The following UBE4A variants were observed in gnomAD, a reference collection of about 807,000 sequenced individuals.
The protein encoded by UBE4A is ubiquitination factor E4A.
A neutral mutation model predicts 117.9 loss-of-function variants in UBE4A; 48 were observed. The observed-to-expected ratio is 0.41, with a 90% CI of 0.32 to 0.52. UBE4A has a LOEUF of 0.52. Ranked by LOEUF, UBE4A falls within the 20% of genes least tolerant of loss-of-function variation. The pLI, the probability that UBE4A is intolerant of heterozygous loss-of-function variation, is 0.33. For missense variants in UBE4A, 1,067 were observed against 1,296.3 expected, an observed-to-expected ratio of 0.82 and a Z score of 2.72; for synonymous variants, 407 against 450.0, an observed-to-expected ratio of 0.90 and a Z score of 1.21.
chr11:118,387,914 G>A (rs1331499308), intron 16 of UBE4A, among the ~76,000 whole-genome samples: 1 of 152,182 alleles, frequency 6.6e-6, no homozygotes, highest in Admixed American at 6.5e-5. Context: ...TGTAGAGCAA[G>A]CAGTCCAGGT....
At position 118,372,676 on chromosome 11, in the gene UBE4A, T is replaced by C; in HGVS notation, c.721+10T>C. 6.2e-7 allele frequency: 1 copy of C among 1,612,706 alleles called. No homozygotes were observed. Among genetic ancestry groups the C allele is most frequent in the African/African-American group, 1.3e-5 (1 of 74,896 alleles). On this transcript the variant is annotated intron_variant, in intron 6 of 19. Transcript: ENST00000252108. The stretch of plus-strand genomic sequence containing the variant: ...GCCATCCAGGGAGCCCGTGAGTACA[T>C]GAACAAGATCTGTAAGCTTCTACAT...
chr11:118,373,538 A>G lies in UBE4A; in HGVS notation c.969A>G (p.Gln323=), dbSNP rs1355084746. The change falls in exon 8 of 20, where the codon CAA becomes CAG. Residue 323 remains glutamine (Q), a synonymous_variant. Coordinates refer to ENST00000252108, the MANE Select transcript of UBE4A (RefSeq NM_001204077.2). The part of the protein sequence containing the change: ...YIQPKDPTNG[Q]MYQKTLLGVI... Reference sequence around the variant, plus strand: ...AGCCCAAGGACCCTACCAATGGGCAAATGTACCAGAAGACCTTGCTGGGAG... The same window carrying G: ...AGCCCAAGGACCCTACCAATGGGCAGATGTACCAGAAGACCTTGCTGGGAG... 5.0e-6 allele frequency: 8 copies of G among 1,614,076 alleles called. No individual in the cohort carries two copies. The African/African-American group carries it at 9.3e-5, about 19-fold the overall frequency.
chr11:118,388,007 A>T (rs1437318518), intron 16 of UBE4A, among the ~76,000 whole-genome samples: 1 of 152,236 alleles, frequency 6.6e-6, no homozygotes, highest in African/African-American at 2.4e-5. Flanking sequence ...AGAGTTTTAA[A>T]TTCCAATGGA....
rs61368823 is a variant in UBE4A at position 118,375,256 on chromosome 11, C to CTGTGTGTGTGTG, written c.1450+35_1450+46dup. The CTGTGTGTGTGTG allele has an allele frequency of 1.2e-5, 18 of 1,475,468 alleles. No individual in the cohort carries two copies. In the South Asian group the frequency reaches 1.4e-4, roughly 11 times the overall value. The allele number at this position is 1,475,468 out of a possible 1,614,324, so 91.4% of individuals were successfully genotyped here. On this transcript the variant is annotated intron_variant, in intron 9 of 19. Transcript: ENST00000252108. ...TAGGAGAGAACCAGGCTTCTCAAAA[C>CTGTGTGTGTGTG]TGTGTGTGTGTGTGTGTGTAACGTG...
At chr11:118,396,183 C>G in intron 19 of UBE4A, 131 bp from the exon 20 acceptor site, 1 of 1,101,958 alleles carries the variant, frequency 9.1e-7, no homozygotes, top group Non-Finnish European at 1.2e-6. Flanking sequence ...AACCCCAACT[C>G]GGCATTTGAC....
At chr11:118,362,738 G>A (rs1948530258) in intron 1 of UBE4A, among the ~76,000 whole-genome samples, 2 of 152,178 alleles carry the variant, frequency 1.3e-5, no homozygotes, top group South Asian at 4.1e-4. Flanking sequence ...ACTCAATCAG[G>A]AGAAAACTCA....
intron 18 of UBE4A, 73 bp downstream of exon 18, chr11:118,390,877 C>CT: frequency 6.4e-7 from 1 of 1,567,748 alleles, no homozygotes; most frequent in Non-Finnish European, 8.7e-7. Context: ...TGGCTCAAGC[C>CT]TGTAGTCCCA....
rs1183483927 is a variant in UBE4A at position 118,372,504 on chromosome 11, C to T, written c.562-3C>T. On this transcript the variant is annotated splice_region_variant and splice_polypyrimidine_tract_variant and intron_variant, in intron 5 of 19. Transcript: ENST00000252108. ...TTCCCTCTTTTCTTCATGCTGTTTG[C>T]AGATTACCAAAGTTCCAGAGAACCT... is the stretch of plus-strand genomic sequence containing the variant. The T allele has an allele frequency of 1.9e-6, 3 of 1,599,954 alleles. No individual in the cohort carries two copies. In the African/African-American group the frequency reaches 4.1e-5, roughly 22 times the overall value.
At chr11:118,367,287 A>G (rs1420368348) in intron 2 of UBE4A, among the ~76,000 whole-genome samples, 1 of 152,156 alleles carries the variant, frequency 6.6e-6, no homozygotes, top group African/African-American at 2.4e-5. Context: ...ATAAGAAAAA[A>G]ATAACAAGAA....
chr11:118,369,546 T>G lies in UBE4A; in HGVS notation c.408+11T>G. 6.2e-7 allele frequency: 1 copy of G among 1,607,440 alleles called. No homozygotes were observed. Among genetic ancestry groups the G allele is most frequent in the Admixed American group, 1.7e-5 (1 of 59,994 alleles). On this transcript the variant is annotated intron_variant, in intron 4 of 19. Coordinates refer to ENST00000252108, the MANE Select transcript of UBE4A (RefSeq NM_001204077.2). ...AGCAATGTTGAGCAGGTAATATTCT[T>G]ACGTTCCTAATGTGTGCCCTTAGCA...
intron 16 of UBE4A, among the ~76,000 whole-genome samples, chr11:118,387,999 A>C (rs1948775041): frequency 6.6e-6 from 1 of 152,152 alleles, no homozygotes; most frequent in Non-Finnish European, 1.5e-5. Flanking sequence ...CCATGTTGAG[A>C]GTTTTAAATT....
intron 16 of UBE4A, 64 bp downstream of exon 16, chr11:118,386,676 G>A: frequency 1.4e-6 from 2 of 1,455,616 alleles, no homozygotes; most frequent in Non-Finnish European, 1.8e-6. Context: ...TCACTTGGGG[G>A]ATCAGCCCAG....
At chr11:118,388,974 T>TAA (rs1275659313) in intron 16 of UBE4A, among the ~76,000 whole-genome samples, 2 of 151,718 alleles carry the variant, frequency 1.3e-5, no homozygotes, top group African/African-American at 4.8e-5. Flanking sequence ...CTCAAAAAAA[T>TAA]AAAAAATAAT....
intron 3 of UBE4A, 149 bp from the exon 4 acceptor site, chr11:118,369,274 T>A: frequency 1.6e-6 from 1 of 618,468 alleles, no homozygotes; most frequent in South Asian, 2.0e-5. Context: ...AAAAAAAGAT[T>A]TGAATCTTTA....
chr11:118,373,750 A>G (rs961512592), intron 8 of UBE4A, 65 bp downstream of exon 8: 3 of 1,535,068 alleles, frequency 2.0e-6, no homozygotes, highest in East Asian at 2.3e-5. Context: ...GAAAGCAGAT[A>G]CAGATAAGGC....
Position 118,396,373 on chromosome 11 carries a change from C to T in UBE4A, c.3134C>T (p.Thr1045Ile). 2 of 1,613,754 alleles carry T rather than the reference C, an allele frequency of 1.2e-6. No individual in the cohort carries two copies. Among genetic ancestry groups the T allele is most frequent in the East Asian group, 4.5e-5 (2 of 44,836 alleles). The change falls in exon 20 of 20, where the codon ACA becomes ATA. Residue 1045 changes from threonine to isoleucine, a missense_variant. By Grantham distance (89) the Thr-to-Ile change is moderately conservative (BLOSUM62 -1). Transcript: ENST00000252108. ...ACCATGGACCAGATCCGGCCAAACA[C>T]AGAACTAAAAGAAAAAATCCAACGG... The part of the protein sequence containing the change: ...PLTMDQIRPN[T>I]ELKEKIQRWL...
intron 1 of UBE4A, among the ~76,000 whole-genome samples, chr11:118,361,125 C>T (rs997330387): frequency 1.3e-5 from 2 of 149,550 alleles, no homozygotes; most frequent in African/African-American, 4.9e-5. Flanking sequence ...AAAAGTGATT[C>T]TCCTGCCTCA....
Position 118,372,585 on chromosome 11 carries a change from C to T in UBE4A, c.640C>T (p.Leu214Phe), listed in dbSNP as rs774711250. 57 of 1,614,038 alleles carry T rather than the reference C, an allele frequency of 3.5e-5. 1 individual carries two copies. In the Admixed American group the frequency reaches 4.7e-4, roughly 13 times the overall value. Residue 214 changes from leucine to phenylalanine, a missense_variant, in exon 6 of 20, where the codon CTT becomes TTT. Transcript: ENST00000252108. ...CACTGTGTCCAATACCCGAACAGTT[C>T]TTCTCACCCCAGAGATCTATGTTGA... ...NLTVSNTRTV[L>F]LTPEIYVDQN... is the part of the protein sequence containing the mutation.
At chr11:118,391,823 C>T (rs1389265137) in intron 18 of UBE4A, among the ~76,000 whole-genome samples, 1 of 151,280 alleles carries the variant, frequency 6.6e-6, no homozygotes, top group South Asian at 2.1e-4. Context: ...ATTTAAGAAA[C>T]CTCAACTAGA....
Sources: gnomAD v4.1 joint callset for allele counts (sites outside exome capture counted in the v4.1 genomes callset) on GRCh38, gnomAD v4.1.1 for gene constraint, MANE v1.5 for transcripts, NCBI Gene and HGNC (gene_info 2026-07-23, HGNC 2026-07-21) for gene names.